The following SMOC2 variants were observed in gnomAD, a reference collection of about 807,000 sequenced individuals.
SMOC2 encodes SPARC-related modular calcium-binding protein 2.
A neutral mutation model predicts 61.4 loss-of-function variants in SMOC2; 39 were observed. The ratio of observed to expected loss-of-function variants is 0.64; its 90% CI spans 0.49 to 0.83. The LOEUF (loss-of-function observed/expected upper bound fraction) is 0.83, where lower values mean the gene tolerates loss of function less well. SMOC2 is among the 40% of genes least tolerant of loss of function. SMOC2 has a pLI of 0.00. For missense variants in SMOC2, 556 were observed against 592.9 expected, an observed-to-expected ratio of 0.94 and a Z score of 0.65; for synonymous variants, 247 against 239.9, an observed-to-expected ratio of 1.03 and a Z score of -0.27.
At chr6:168,596,639 T>G (rs898549057) in intron 7 of SMOC2, among the ~76,000 whole-genome samples, 1 of 152,270 alleles carries the variant, frequency 6.6e-6, no homozygotes, top group African/African-American at 2.4e-5. Context: ...TGAGGATTTC[T>G]GCAAAGCAAC....
intron 1 of SMOC2, among the ~76,000 whole-genome samples, chr6:168,463,466 C>T (rs1394192510): frequency 1.3e-5 from 2 of 152,094 alleles, no homozygotes; most frequent in African/African-American, 4.8e-5. Flanking sequence ...CTAAAATCTG[C>T]TAGTTTTACA....
intron 1 of SMOC2, among the ~76,000 whole-genome samples, chr6:168,501,742 C>A (rs766159398): frequency 1.9e-4 from 29 of 152,238 alleles, no homozygotes; most frequent in Admixed American, 1.0e-3. Context: ...GATCTCCGTA[C>A]CCAACAGCGT....
chr6:168,510,518 T>C (rs1782981527), intron 2 of SMOC2, among the ~76,000 whole-genome samples: 1 of 152,244 alleles, frequency 6.6e-6, no homozygotes, highest in South Asian at 2.1e-4. Flanking sequence ...AAGAGTCTAA[T>C]GCTTAGAGCC....
intron 9 of SMOC2, among the ~76,000 whole-genome samples, chr6:168,634,086 C>A (rs147960901): frequency 1.3e-5 from 2 of 152,132 alleles, no homozygotes; most frequent in Non-Finnish European, 1.5e-5. Context: ...CATGGGGAAC[C>A]GTGAGTCCAT....
At chr6:168,502,847 A>AG (rs1243639870) in intron 1 of SMOC2, among the ~76,000 whole-genome samples, 3 of 151,714 alleles carry the variant, frequency 2.0e-5, no homozygotes, top group Non-Finnish European at 4.4e-5. Context: ...GCTCACTGCA[A>AG]CCTCCACCTC....
At chr6:168,497,168 G>A (rs1782610331) in intron 1 of SMOC2, among the ~76,000 whole-genome samples, 1 of 152,220 alleles carries the variant, frequency 6.6e-6, no homozygotes, top group South Asian at 2.1e-4. Context: ...CGGAGGGCAG[G>A]GCCCGGGCCC....
At chr6:168,484,296 T>TA (rs910246016) in intron 1 of SMOC2, among the ~76,000 whole-genome samples, 12 of 151,884 alleles carry the variant, frequency 7.9e-5, no homozygotes, top group South Asian at 2.1e-4. Context: ...ACATTTTTTT[T>TA]AAAAAAAAGA....
At chr6:168,666,242 T>C (rs1340534609) in intron 12 of SMOC2, among the ~76,000 whole-genome samples, 179 bp from the exon 13 acceptor site, 1 of 152,202 alleles carries the variant, frequency 6.6e-6, no homozygotes, top group Non-Finnish European at 1.5e-5. Flanking sequence ...GGAAGGAAAC[T>C]GTTAAGAAGT....
intron 4 of SMOC2, among the ~76,000 whole-genome samples, chr6:168,532,985 A>G (rs1783647902): frequency 6.6e-6 from 1 of 152,136 alleles, no homozygotes; most frequent in Non-Finnish European, 1.5e-5. Flanking sequence ...TTATTTCCTA[A>G]CAAGCTCTGT....
chr6:168,635,986 A>G (rs1786707046), intron 9 of SMOC2, among the ~76,000 whole-genome samples: 1 of 152,180 alleles, frequency 6.6e-6, no homozygotes, highest in Non-Finnish European at 1.5e-5. Context: ...TTGCTCACTA[A>G]TTAATTTATA....
intron 1 of SMOC2, among the ~76,000 whole-genome samples, chr6:168,486,386 A>G (rs186529997): frequency 1.3e-5 from 2 of 152,234 alleles, no homozygotes; most frequent in African/African-American, 2.4e-5. Context: ...TTGCACTCCA[A>G]CATTTGCAAA....
chr6:168,458,194 A>C (rs1340438689), intron 1 of SMOC2, among the ~76,000 whole-genome samples: 7 of 152,170 alleles, frequency 4.6e-5, no homozygotes, highest in African/African-American at 1.7e-4. Context: ...CCGGCTCATC[A>C]GAGAGAACTG....
intron 7 of SMOC2, among the ~76,000 whole-genome samples, chr6:168,591,403 A>C (rs974044150): frequency 6.6e-6 from 1 of 152,216 alleles, no homozygotes; most frequent in African/African-American, 2.4e-5. Context: ...CAGAATTATT[A>C]CAACATTTAT....
chr6:168,508,487 G>A (rs896604356), intron 1 of SMOC2, among the ~76,000 whole-genome samples: 3 of 152,194 alleles, frequency 2.0e-5, no homozygotes, highest in South Asian at 2.1e-4. Flanking sequence ...CTGGTGATCC[G>A]CAGCCACAGA....
intron 9 of SMOC2, among the ~76,000 whole-genome samples, chr6:168,624,066 G>C (rs1161218558): frequency 6.6e-6 from 1 of 152,228 alleles, no homozygotes; most frequent in African/African-American, 2.4e-5. Flanking sequence ...CCACAGGGCC[G>C]TTCTTAGGAC....
chr6:168,451,276 C>T (rs1781454631), intron 1 of SMOC2, among the ~76,000 whole-genome samples: 1 of 152,206 alleles, frequency 6.6e-6, no homozygotes, highest in Non-Finnish European at 1.5e-5. Flanking sequence ...TAAAAGCTTA[C>T]ACTCATCCAA....
intron 7 of SMOC2, among the ~76,000 whole-genome samples, chr6:168,570,395 G>C (rs1784638233): frequency 6.6e-6 from 1 of 152,156 alleles, no homozygotes. Context: ...CCGACTGTGG[G>C]AGGAACGTCT....
intron 7 of SMOC2, among the ~76,000 whole-genome samples, chr6:168,587,465 G>T (rs1003240516): frequency 6.6e-6 from 1 of 152,244 alleles, no homozygotes; most frequent in Admixed American, 6.5e-5. Context: ...TGTGTAAGAA[G>T]TACATTGGTT....
intron 9 of SMOC2, among the ~76,000 whole-genome samples, chr6:168,626,016 G>T (rs1022032512): frequency 6.6e-6 from 1 of 152,214 alleles, no homozygotes; most frequent in Non-Finnish European, 1.5e-5. Flanking sequence ...TGGTTAAGAC[G>T]AGAGCTGCCT....
Sources: allele counts gnomAD v4.1 joint callset (sites outside exome capture counted in the v4.1 genomes callset), GRCh38; gene constraint gnomAD v4.1.1; transcripts MANE v1.5; gene names NCBI Gene and HGNC (gene_info 2026-07-23, HGNC 2026-07-21).